HTR3B: variants seen among roughly 807,000 people sequenced by gnomAD.
HTR3B encodes 5-hydroxytryptamine (serotonin) receptor 3B, ionotropic.
HTR3B carries 44 observed loss-of-function variants against 42.8 expected under a neutral mutation model. That is an observed-to-expected ratio of 1.03 (90% CI 0.81 to 1.32). The LOEUF (loss-of-function observed/expected upper bound fraction) is 1.32. HTR3B is among the 40% of genes most tolerant of loss of function. The pLI, the probability that HTR3B is intolerant of heterozygous loss-of-function variation, is 0.00. For synonymous variants in HTR3B, 203 were observed against 209.0 expected, an observed-to-expected ratio of 0.97 and a Z score of 0.25; for missense variants, 527 against 536.5, an observed-to-expected ratio of 0.98 and a Z score of 0.17.
At chr11:113,945,113 A>C (rs1950166737) in intron 8 of HTR3B, among the ~76,000 whole-genome samples, 1 of 151,108 alleles carries the variant, frequency 6.6e-6, no homozygotes, top group Non-Finnish European at 1.5e-5. Context: ...CTGAAAGTCT[A>C]ATTTTGGCTT....
At chr11:113,919,359 G>A (rs1949889821) in intron 2 of HTR3B, among the ~76,000 whole-genome samples, 1 of 152,060 alleles carries the variant, frequency 6.6e-6, no homozygotes. Context: ...ACAAAATGAT[G>A]TTATTATTTT....
intron 1 of HTR3B, chr11:113,909,062 A>G (rs1288161779): frequency 3.5e-6 from 2 of 578,992 alleles, no homozygotes; most frequent in East Asian, 5.7e-5. Flanking sequence ...AACCTTGGAG[A>G]TGGCGTTGAT....
At chr11:113,943,254 T>C in intron 7 of HTR3B, 62 bp downstream of exon 7, 1 of 1,359,250 alleles carries the variant, frequency 7.4e-7, no homozygotes, top group Non-Finnish European at 1.0e-6. Context: ...GATCTAATGC[T>C]GGCCAGGCAT....
At chr11:113,932,905 T>C (rs1385649098) in intron 5 of HTR3B, 31 bp from the exon 6 acceptor site, 5 of 1,606,196 alleles carry the variant, frequency 3.1e-6, no homozygotes, top group Non-Finnish European at 4.3e-6. Flanking sequence ...TCTTTCTCTC[T>C]GGGAAAGTCA....
intron 2 of HTR3B, among the ~76,000 whole-genome samples, chr11:113,930,150 A>G (rs1274829357): frequency 6.6e-6 from 1 of 152,136 alleles, no homozygotes; most frequent in Non-Finnish European, 1.5e-5. Flanking sequence ...ATTTTCTCCC[A>G]TTCTGTGGGT....
intron 6 of HTR3B, among the ~76,000 whole-genome samples, chr11:113,935,950 A>G (rs1768040314): frequency 6.6e-6 from 1 of 152,164 alleles, no homozygotes. Context: ...GCTAATGTGC[A>G]ATCATAGCTG....
rs139008859 is a variant in HTR3B at position 113,943,154 on chromosome 11, A to G, written c.869A>G (p.Asn290Ser). 3.7e-6 allele frequency: 6 copies of G among 1,613,980 alleles called. No homozygotes were observed. The highest frequency in any genetic ancestry group is 4.2e-6 in the Non-Finnish European group (5 of 1,180,016). Residue 290 changes from asparagine to serine, a missense_variant, in exon 7 of 9, where the codon AAC (asparagine) becomes AGC (serine). Transcript: ENST00000260191. ...ACCGTCTTCAGGGTCAACATGTCCA[A>G]CCAGGTGCCACGGAGTGTAGGGAGC... is the stretch of plus-strand genomic sequence containing the variant. ...GYTVFRVNMSNQVPRSVGSTP... is the reference protein window; with the variant it reads ...GYTVFRVNMSSQVPRSVGSTP...
Position 113,932,984 on chromosome 11 carries a change from A to G in HTR3B, c.587A>G (p.His196Arg), listed in dbSNP as rs766204285. 1.7e-5 allele frequency: 27 copies of G among 1,614,044 alleles called. No individual in the cohort carries two copies. Among genetic ancestry groups the G allele is most frequent in the Non-Finnish European group, 2.2e-5 (26 of 1,180,022 alleles). ...CTGAGGAGCCCAGAAGACATTCAGC[A>G]TGACAAAAAGGCGTTTTTGAATGAC... Reference protein sequence around the residue: ...AFLRSPEDIQHDKKAFLNDSE... With the variant: ...AFLRSPEDIQRDKKAFLNDSE... Residue 196 changes from histidine (H) to arginine (R), a missense_variant, in exon 6 of 9, where the codon CAT becomes CGT. Transcript: ENST00000260191.
At chr11:113,922,477 A>C (rs1402704414) in intron 2 of HTR3B, among the ~76,000 whole-genome samples, 1 of 151,462 alleles carries the variant, frequency 6.6e-6, no homozygotes. Flanking sequence ...CAAGTGATCC[A>C]CTCACCTCAG....
In HTR3B at chr11:113,946,376, A is replaced by C; in HGVS notation, c.*239A>C. 1 of 189,374 alleles carries C rather than the reference A, an allele frequency of 5.3e-6. No individual in the cohort carries two copies. Among genetic ancestry groups the C allele is most frequent in the Non-Finnish European group, 1.1e-5 (1 of 93,912 alleles). 11.7% of individuals were successfully genotyped at this position (189,374 alleles called of 1,614,324 possible). A position where few individuals can be genotyped will look rare whatever the true frequency, so the allele number is the denominator to read the frequency against. ...AATAAATAAATAAATAAATAAATAA[A>C]TAAATAGCTGGGCATAGTGGCTCAT... On this transcript the variant is annotated 3_prime_UTR_variant, in exon 9 of 9. Coordinates refer to ENST00000260191, the MANE Select transcript of HTR3B (RefSeq NM_006028.5).
intron 2 of HTR3B, among the ~76,000 whole-genome samples, chr11:113,913,311 G>C (rs1469222623): frequency 7.0e-6 from 1 of 141,990 alleles, no homozygotes; most frequent in African/African-American, 2.6e-5. Flanking sequence ...AGCCTCCCCA[G>C]TGACTGGGAT....
chr11:113,916,642 T>A (rs548405059), intron 2 of HTR3B, among the ~76,000 whole-genome samples: 10 of 152,330 alleles, frequency 6.6e-5, no homozygotes, highest in Admixed American at 2.6e-4. Flanking sequence ...ATTTGAGGAG[T>A]ACTGACATCT....
upstream of HTR3B, among the ~76,000 whole-genome samples, chr11:113,902,706 T>C (rs1250269254): frequency 6.6e-6 from 1 of 152,242 alleles, no homozygotes; most frequent in African/African-American, 2.4e-5. Flanking sequence ...ATTGCCACAT[T>C]ACTACCATCT....
intron 2 of HTR3B, among the ~76,000 whole-genome samples, chr11:113,919,830 AAACAACAACAACAAC>A (rs149081128): frequency 6.0e-5 from 9 of 148,936 alleles, no homozygotes; most frequent in East Asian, 2.0e-4. Context: ...CTCCATCTCA[AAACAACAACAACAAC>A]AACAACAACA....
intron 6 of HTR3B, among the ~76,000 whole-genome samples, chr11:113,940,036 G>A (rs1250342137): frequency 1.3e-5 from 2 of 152,006 alleles, no homozygotes; most frequent in African/African-American, 4.8e-5. Flanking sequence ...ACAGGCACAT[G>A]CCACCACACC....
chr11:113,944,460 C>A, intron 7 of HTR3B, 113 bp from the exon 8 acceptor site: 1 of 915,460 alleles, frequency 1.1e-6, no homozygotes, highest in Non-Finnish European at 1.7e-6. Flanking sequence ...ATGATTGCAC[C>A]ACTGCACTCC....
intron 7 of HTR3B, 103 bp from the exon 8 acceptor site, chr11:113,944,470 C>A: frequency 9.4e-7 from 1 of 1,067,074 alleles, no homozygotes; most frequent in Non-Finnish European, 1.4e-6. Flanking sequence ...CACTGCACTC[C>A]AGCTTGGGCA....
At chr11:113,905,356 T>A (rs1949726905) in intron 1 of HTR3B, among the ~76,000 whole-genome samples, 1 of 152,196 alleles carries the variant, frequency 6.6e-6, no homozygotes, top group Non-Finnish European at 1.5e-5. Context: ...TATGTTTTTA[T>A]TATCCAAAAT....
intron 2 of HTR3B, among the ~76,000 whole-genome samples, chr11:113,922,647 C>A (rs2137506993): frequency 6.6e-6 from 1 of 152,268 alleles, no homozygotes; most frequent in East Asian, 1.9e-4. Flanking sequence ...GCTCCGCCTC[C>A]TCGGTTCACG....
Sources: allele counts gnomAD v4.1 joint callset (sites outside exome capture counted in the v4.1 genomes callset), GRCh38; gene constraint gnomAD v4.1.1; transcripts MANE v1.5; gene names NCBI Gene and HGNC (gene_info 2026-07-23, HGNC 2026-07-21).